The following FARP1 variants were observed in gnomAD, a reference collection of about 807,000 sequenced individuals.
The protein encoded by FARP1 is FERM, ARHGEF and pleckstrin domain-containing protein 1.
Under a neutral mutation model 128.8 loss-of-function variants are expected in FARP1, and 52 were observed. That is an observed-to-expected ratio of 0.40 (90% CI 0.32 to 0.51). The LOEUF (loss-of-function observed/expected upper bound fraction) is 0.51. Ranked by LOEUF, FARP1 falls within the 20% of genes least tolerant of loss-of-function variation. The pLI, the probability that FARP1 is intolerant of heterozygous loss-of-function variation, is 0.45. For synonymous variants in FARP1, 580 were observed against 551.8 expected (o/e 1.05, Z -0.72); for missense variants, 1,333 against 1,367.9 (o/e 0.97, Z 0.40).
intron 2 of FARP1, among the ~76,000 whole-genome samples, chr13:98,317,835 T>G (rs566155844): frequency 6.6e-5 from 10 of 152,268 alleles, no homozygotes; most frequent in African/African-American, 2.4e-4. Flanking sequence ...TAGTGTCCTT[T>G]CATGGCAGAG....
At chr13:98,296,247 G>A (rs1418989189) in intron 2 of FARP1, among the ~76,000 whole-genome samples, 2 of 152,122 alleles carry the variant, frequency 1.3e-5, no homozygotes, top group African/African-American at 2.4e-5. Context: ...GATTAGGCTC[G>A]TCACCTTCTC....
chr13:98,377,963 C>A, intron 6 of FARP1, 45 bp downstream of exon 6: 1 of 1,355,202 alleles, frequency 7.4e-7, no homozygotes, highest in African/African-American at 1.4e-5. Context: ...CAAAATAACA[C>A]AGTGATCTGA....
At chr13:98,161,018 T>C (rs1876845039) in intron 1 of FARP1, among the ~76,000 whole-genome samples, 1 of 152,064 alleles carries the variant, frequency 6.6e-6, no homozygotes, top group Admixed American at 6.6e-5. Flanking sequence ...ACTTTATTAT[T>C]CATAGCAGTT....
At chr13:98,162,394 G>A (rs1876950003) in intron 1 of FARP1, among the ~76,000 whole-genome samples, 1 of 152,148 alleles carries the variant, frequency 6.6e-6, no homozygotes, top group Non-Finnish European at 1.5e-5. Context: ...TTTTCCTTGT[G>A]TACCAACAAT....
chr13:98,439,446 G>A (rs1444647854), intron 21 of FARP1, among the ~76,000 whole-genome samples: 1 of 152,076 alleles, frequency 6.6e-6, no homozygotes, highest in Non-Finnish European at 1.5e-5. Flanking sequence ...CACATGGGAT[G>A]TGCAGGTCCA....
chr13:98,296,181 C>A (rs1381155633), intron 2 of FARP1, among the ~76,000 whole-genome samples: 1 of 152,160 alleles, frequency 6.6e-6, no homozygotes, highest in African/African-American at 2.4e-5. Context: ...AGATCTGTGT[C>A]TTCAGTTTCC....
intron 1 of FARP1, among the ~76,000 whole-genome samples, chr13:98,170,240 G>T (rs764842608): frequency 7.3e-5 from 11 of 150,438 alleles, no homozygotes; most frequent in Non-Finnish European, 1.3e-4. Context: ...CTGGAGTGCA[G>T]TGGCGCGATC....
At chr13:98,311,549 CTGTGTGTGTGTGTGCATGTGCG>C (rs1886458991) in intron 2 of FARP1, among the ~76,000 whole-genome samples, 1 of 151,468 alleles carries the variant, frequency 6.6e-6, no homozygotes. Flanking sequence ...AATCAGGGTG[CTGTGTGTGTGTGTGCATGTGCG>C]TGTGTGTGTG....
chr13:98,286,016 ACC>A (rs746238512), intron 2 of FARP1, among the ~76,000 whole-genome samples: 5 of 151,944 alleles, frequency 3.3e-5, no homozygotes, highest in Non-Finnish European at 7.4e-5. Context: ...CCCCTTAGGT[ACC>A]CTGAGATCAG....
chr13:98,390,493 C>A lies in FARP1; in HGVS notation c.1020-319C>A, dbSNP rs1396328659. The A allele has an allele frequency of 9.1e-6, 4 of 440,254 alleles. No homozygotes were observed. The East Asian group carries it at 1.1e-4, about 12-fold the overall frequency. 27.3% of individuals were successfully genotyped at this position (440,254 alleles called of 1,614,324 possible). ...TGTCTGCCATGTGTCAAATACTGTTCCAGGCACTGAGCCCAGTGATCCCTG... is the reference window on the plus strand; with the variant it reads ...TGTCTGCCATGTGTCAAATACTGTTACAGGCACTGAGCCCAGTGATCCCTG... On this transcript the variant is annotated intron_variant, in intron 10 of 26. Transcript: ENST00000319562.
In FARP1 at chr13:98,395,579, G is replaced by T. The variant is rs1206495338; in HGVS notation, c.1414+103G>T. 6.5e-6 allele frequency: 9 copies of T among 1,374,420 alleles called. No individual in the cohort carries two copies. The Admixed American group carries it at 2.1e-4, about 32-fold the overall frequency. The allele number at this position is 1,374,420 out of a possible 1,614,324, so 85.1% of individuals were successfully genotyped here. A position where few individuals can be genotyped will look rare whatever the true frequency, so the allele number is the denominator to read the frequency against. On this transcript the variant is annotated intron_variant, in intron 13 of 26. Coordinates refer to ENST00000319562, the MANE Select transcript of FARP1 (RefSeq NM_005766.4). ...GACCTTCTTAGAGAACAAGCGTCCCGATCCCGGTCCCGATCCCGGTCCCGG... is the reference window on the plus strand; with the variant it reads ...GACCTTCTTAGAGAACAAGCGTCCCTATCCCGGTCCCGATCCCGGTCCCGG...
intron 1 of FARP1, among the ~76,000 whole-genome samples, chr13:98,204,604 C>T (rs1205797042): frequency 1.4e-5 from 2 of 147,410 alleles, no homozygotes; most frequent in Non-Finnish European, 3.0e-5. Context: ...TGAAGTTTAT[C>T]CTTTAGTAGT....
chr13:98,276,342 A>G (rs956851521), intron 2 of FARP1, among the ~76,000 whole-genome samples: 1 of 152,260 alleles, frequency 6.6e-6, no homozygotes, highest in Non-Finnish European at 1.5e-5. Context: ...CCAATGAGAC[A>G]GAGCAAGAAT....
chr13:98,279,901 G>A (rs541536553), intron 2 of FARP1, among the ~76,000 whole-genome samples: 1 of 152,108 alleles, frequency 6.6e-6, no homozygotes, highest in African/African-American at 2.4e-5. Flanking sequence ...CCCCCCCTCT[G>A]TCTTCCGGGT....
intron 2 of FARP1, among the ~76,000 whole-genome samples, chr13:98,342,458 G>T (rs1399345723): frequency 6.6e-6 from 1 of 152,158 alleles, no homozygotes; most frequent in Admixed American, 6.5e-5. Flanking sequence ...CAGCACTTTG[G>T]GAGGCTGAGG....
chr13:98,260,164 C>T (rs559187707), intron 2 of FARP1, among the ~76,000 whole-genome samples: 1 of 152,100 alleles, frequency 6.6e-6, no homozygotes, highest in Non-Finnish European at 1.5e-5. Flanking sequence ...ACACGCCCCT[C>T]GTCAAGTTTC....
At chr13:98,261,939 G>A (rs1156635367) in intron 2 of FARP1, among the ~76,000 whole-genome samples, 3 of 152,056 alleles carry the variant, frequency 2.0e-5, no homozygotes, top group South Asian at 2.1e-4. Flanking sequence ...AGATCTGGAG[G>A]GGACACCCAA....
intron 13 of FARP1, chr13:98,406,126 T>C (rs1890962113): frequency 6.6e-6 from 1 of 152,224 alleles, no homozygotes; most frequent in Admixed American, 6.5e-5. Flanking sequence ...GACACCAGTT[T>C]GTACAGACTG....
rs191012421 is a variant in FARP1 at position 98,281,029 on chromosome 13, C to A, written c.172-62733C>A. On this transcript the variant is annotated intron_variant, in intron 2 of 26. Transcript: ENST00000319562. ...AATTATGTATTATAAATAGTAAAAG[C>A]AAAAATATATTTATTAATAATGGCT... Among the ~76,000 whole-genome samples the A allele has an allele frequency of 1.7e-3, 264 of 152,172 alleles. 4 individuals carry two copies. In the East Asian group the frequency reaches 0.031, roughly 18 times the overall value.
Sources: gnomAD v4.1 joint callset for allele counts (sites outside exome capture counted in the v4.1 genomes callset) on GRCh38, gnomAD v4.1.1 for gene constraint, MANE v1.5 for transcripts, NCBI Gene and HGNC (gene_info 2026-07-23, HGNC 2026-07-21) for gene names.